Variants in MECOM observed in about 807,000 individuals in gnomAD.
MECOM encodes the protein histone-lysine N-methyltransferase MECOM.
MECOM carries 13 observed loss-of-function variants against 116.3 expected under a neutral mutation model. The ratio of observed to expected loss-of-function variants is 0.11; its 90% CI spans 0.07 to 0.18. The LOEUF (loss-of-function observed/expected upper bound fraction) is 0.18, where lower values mean the gene tolerates loss of function less well. MECOM is among the 10% of genes least tolerant of loss of function. MECOM has a pLI of 1.00. For synonymous variants in MECOM, 528 were observed against 535.2 expected, an observed-to-expected ratio of 0.99 and a Z score of 0.19; for missense variants, 1,299 against 1,509.0, an observed-to-expected ratio of 0.86 and a Z score of 2.31.
At chr3:169,531,239 T>A (rs1175207268) in intron 1 of MECOM, among the ~76,000 whole-genome samples, 1 of 152,206 alleles carries the variant, frequency 6.6e-6, no homozygotes. Context: ...GCACTGTTCC[T>A]GAATACAATT....
At chr3:169,377,222 C>A (rs912544538) in intron 2 of MECOM, among the ~76,000 whole-genome samples, 4 of 152,136 alleles carry the variant, frequency 2.6e-5, no homozygotes, top group Admixed American at 2.6e-4. Flanking sequence ...ACCATAAAAA[C>A]TCTAGAAGAA....
At chr3:169,271,764 A>T (rs563983219) in intron 2 of MECOM, among the ~76,000 whole-genome samples, 2 of 152,330 alleles carry the variant, frequency 1.3e-5, no homozygotes, top group Middle Eastern at 6.8e-3. Flanking sequence ...TTAAAAAAAG[A>T]ATTTTCCAGA....
At chr3:169,654,666 G>T (rs982747735) in intron 1 of MECOM, among the ~76,000 whole-genome samples, 1 of 152,166 alleles carries the variant, frequency 6.6e-6, no homozygotes, top group Non-Finnish European at 1.5e-5. Context: ...TACAAGAAGG[G>T]GAGGGAATGC....
Position 169,115,495 on chromosome 3 carries a change from T to C in MECOM, c.2377A>G (p.Lys793Glu). The part of the protein sequence containing the change: ...ASGTKLTEPR[K>E]NHVFGGKKGS... ...TTTTTTCCCCCAAACACGTGGTTTT[T>C]TCGAGGCTCAGTCAGCTTTGTCCCA... The change falls in exon 8 of 17, where the codon AAA becomes GAA. Residue 793 changes from lysine to glutamate, a missense_variant. Physicochemically the swap from Lys to Glu is moderately conservative, Grantham distance 56. Transcript: ENST00000651503. 1 of 1,614,176 alleles carries C rather than the reference T, an allele frequency of 6.2e-7. No homozygotes were observed. The highest frequency in any genetic ancestry group is 8.5e-7 in the Non-Finnish European group (1 of 1,180,030).
intron 1 of MECOM, among the ~76,000 whole-genome samples, chr3:169,603,171 G>A (rs932375557): frequency 6.6e-6 from 1 of 152,204 alleles, no homozygotes. Flanking sequence ...GCTGAAAAAT[G>A]TCTGTCACTT....
intron 1 of MECOM, among the ~76,000 whole-genome samples, chr3:169,502,952 T>C (rs921421988): frequency 1.2e-4 from 18 of 152,102 alleles, no homozygotes; most frequent in Non-Finnish European, 2.2e-4. Flanking sequence ...AGATGCCATA[T>C]AAAAGAAAGC....
intron 2 of MECOM, among the ~76,000 whole-genome samples, chr3:169,166,599 T>C (rs1394804355): frequency 2.0e-5 from 3 of 152,086 alleles, no homozygotes. Context: ...AAATAATCCA[T>C]GTAAAAACAG....
chr3:169,629,731 G>A (rs1046179336), intron 1 of MECOM, among the ~76,000 whole-genome samples: 21 of 152,158 alleles, frequency 1.4e-4, no homozygotes, highest in African/African-American at 4.1e-4. Context: ...CTACTGAATG[G>A]TCAGGGACAA....
At chr3:169,236,088 T>C (rs988657812) in intron 2 of MECOM, among the ~76,000 whole-genome samples, 3 of 152,316 alleles carry the variant, frequency 2.0e-5, no homozygotes, top group Admixed American at 2.0e-4. Context: ...TGATGGTCTA[T>C]AGTGTACTGT....
intron 1 of MECOM, among the ~76,000 whole-genome samples, chr3:169,553,999 G>T (rs1355504113): frequency 1.3e-5 from 2 of 151,958 alleles, no homozygotes; most frequent in African/African-American, 2.4e-5. Flanking sequence ...GGCGGGGAGG[G>T]TCACAATTCA....
rs187979616 is a variant in MECOM at position 169,164,719 on chromosome 3, T to G, written c.376-20887A>C. 2.6e-5 allele frequency among the ~76,000 whole-genome samples: 4 copies of G among 152,058 alleles called. No individual in the cohort carries two copies. In the East Asian group the frequency reaches 7.7e-4, roughly 29 times the overall value. On this transcript the variant is annotated intron_variant, in intron 2 of 16. Coordinates refer to ENST00000651503, the MANE Select transcript of MECOM (RefSeq NM_004991.4). ...ATAAAATGTATGCTAATAAAAACAA[T>G]TATATTTGATTTTAACATTATGTCA... is the stretch of plus-strand genomic sequence containing the variant.
chr3:169,358,685 G>T (rs545514720), intron 2 of MECOM, among the ~76,000 whole-genome samples: 1 of 151,712 alleles, frequency 6.6e-6, no homozygotes, highest in Admixed American at 6.6e-5. Flanking sequence ...TAGGGAGGAA[G>T]AATTTAGGGC....
chr3:169,278,990 G>A (rs751374432), intron 2 of MECOM, among the ~76,000 whole-genome samples: 1 of 152,222 alleles, frequency 6.6e-6, no homozygotes, highest in Non-Finnish European at 1.5e-5. Context: ...AGGAGTGCTT[G>A]CTGAGTCACT....
intron 1 of MECOM, among the ~76,000 whole-genome samples, chr3:169,638,520 T>C (rs572803660): frequency 6.6e-6 from 1 of 152,310 alleles, no homozygotes; most frequent in South Asian, 2.1e-4. Context: ...GAACTTGACG[T>C]CTTACAAGTA....
intron 1 of MECOM, among the ~76,000 whole-genome samples, chr3:169,599,682 T>C (rs981973303): frequency 2.6e-5 from 4 of 152,190 alleles, no homozygotes; most frequent in African/African-American, 9.7e-5. Context: ...GGTTGAGAAA[T>C]GGCTTTGTTG....
intron 1 of MECOM, among the ~76,000 whole-genome samples, chr3:169,475,879 G>C (rs1578205347): frequency 6.6e-6 from 1 of 152,254 alleles, no homozygotes; most frequent in East Asian, 1.9e-4. Flanking sequence ...GATAATTCTT[G>C]CTCATGTTGG....
At chr3:169,323,795 A>G (rs894344005) in intron 2 of MECOM, among the ~76,000 whole-genome samples, 1 of 152,210 alleles carries the variant, frequency 6.6e-6, no homozygotes, top group African/African-American at 2.4e-5. Flanking sequence ...CAGCATGGTT[A>G]TTCGCCAAAT....
intron 2 of MECOM, among the ~76,000 whole-genome samples, chr3:169,183,610 A>T (rs142366410): frequency 6.6e-6 from 1 of 152,184 alleles, no homozygotes; most frequent in Non-Finnish European, 1.5e-5. Flanking sequence ...ATATGAACTG[A>T]GCAGCTCCTC....
At chr3:169,318,888 C>T (rs1577697544) in intron 2 of MECOM, among the ~76,000 whole-genome samples, 1 of 152,050 alleles carries the variant, frequency 6.6e-6, no homozygotes, top group East Asian at 1.9e-4. Flanking sequence ...CACCTGAGGT[C>T]AGGAGTTCGA....
Sources: gnomAD v4.1 joint callset for allele counts (sites outside exome capture counted in the v4.1 genomes callset) on GRCh38, gnomAD v4.1.1 for gene constraint, MANE v1.5 for transcripts, NCBI Gene and HGNC (gene_info 2026-07-23, HGNC 2026-07-21) for gene names.